The following RGS12 variants were observed in gnomAD, a reference collection of about 807,000 sequenced individuals.
RGS12 encodes regulator of G protein signaling 12.
In RGS12, 66 loss-of-function variants were observed where a neutral mutation model predicts 120.1. That is an observed-to-expected ratio of 0.55 (90% CI 0.45 to 0.67). The LOEUF (loss-of-function observed/expected upper bound fraction) is 0.67. Ranked by LOEUF, RGS12 falls within the 30% of genes least tolerant of loss-of-function variation. The pLI is 0.00. For missense variants in RGS12, 1,859 were observed against 1,957.7 expected, an observed-to-expected ratio of 0.95 and a Z score of 0.95; for synonymous variants, 827 against 804.7, an observed-to-expected ratio of 1.03 and a Z score of -0.47.
At chr4:3,396,475 G>A (rs992981255) in intron 4 of RGS12, among the ~76,000 whole-genome samples, 3 of 152,204 alleles carry the variant, frequency 2.0e-5, no homozygotes, top group Non-Finnish European at 4.4e-5. Context: ...GTAGGGGTAA[G>A]ATTCATTTTT....
intron 9 of RGS12, 33 bp from the exon 10 acceptor site, chr4:3,420,609 A>G: frequency 6.2e-7 from 1 of 1,607,512 alleles, no homozygotes; most frequent in Non-Finnish European, 8.5e-7. Flanking sequence ...CAGGGTTCTG[A>G]TTGACGTGAG....
chr4:3,342,775 T>C (rs1232238675), intron 2 of RGS12, among the ~76,000 whole-genome samples, 162 bp from the exon 3 acceptor site: 1 of 152,198 alleles, frequency 6.6e-6, no homozygotes, highest in Non-Finnish European at 1.5e-5. Flanking sequence ...TTTTCTTGTA[T>C]AAAATATACC....
chr4:3,320,849 G>C (rs1170368889), intron 2 of RGS12, among the ~76,000 whole-genome samples: 1 of 152,276 alleles, frequency 6.6e-6, no homozygotes, highest in African/African-American at 2.4e-5. Flanking sequence ...GTGACCGTCC[G>C]CAGCGATCAG....
At chr4:3,373,767 T>C (rs537053923) in intron 3 of RGS12, among the ~76,000 whole-genome samples, 90 of 152,340 alleles carry the variant, frequency 5.9e-4, no homozygotes, top group Admixed American at 2.4e-3. Context: ...GCCTGGAGTC[T>C]GTGCCGGCGA....
intron 1 of RGS12, among the ~76,000 whole-genome samples, chr4:3,306,351 A>G (rs1246752206): frequency 1.3e-5 from 2 of 152,152 alleles, no homozygotes; most frequent in Admixed American, 6.5e-5. Context: ...CGATGACATG[A>G]GTTTAGAGGA....
At chr4:3,417,787 A>G in intron 9 of RGS12, 1 of 500,648 alleles carries the variant, frequency 2.0e-6, no homozygotes, top group Non-Finnish European at 3.5e-6. Context: ...AATACATTTC[A>G]GCCCATGCCT....
intron 14 of RGS12, among the ~76,000 whole-genome samples, chr4:3,426,118 GA>G (rs1339752915): frequency 0.13 from 448 of 3,414 alleles, 218 homozygotes; most frequent in Non-Finnish European, 0.16. Flanking sequence ...GCATAGGGGA[GA>G]GGGCGAGTGG....
chr4:3,417,090 A>G lies in RGS12; in HGVS notation c.2605A>G (p.Lys869Glu), dbSNP rs1722491299. 6.3e-7 allele frequency: 1 copy of G among 1,597,284 alleles called. No individual in the cohort carries two copies. The highest frequency in any genetic ancestry group is 2.2e-5 in the East Asian group (1 of 44,446). The change falls in exon 8 of 18, where the codon AAG becomes GAG. Residue 869 changes from lysine (K) to glutamate (E), a missense_variant and splice_region_variant. By Grantham distance (56) the Lys-to-Glu change is moderately conservative. Transcript: ENST00000336727. ...CCACTCCAGTGTGTCCACGCCAAAA[A>G]AGGTGACCTCCCCGAGGCTGGCCTC... ...SDHSSVSTPK[K>E]LSGKSKSGRS... is the part of the protein sequence containing the mutation.
Position 3,414,113 on chromosome 4 carries a change from A to T in RGS12, c.2062A>T (p.Ser688Cys). Reference protein sequence around the residue: ...ADLKDCVSNNSLSSNASLPSV... With the variant: ...ADLKDCVSNNCLSSNASLPSV... ...CCTGAAGGACTGCGTCAGCAACAAC[A>T]GCCTGAGCAGCAATGCCAGCCTCCC... Residue 688 changes from serine to cysteine, a missense_variant, in exon 5 of 18, where the codon AGC (serine) becomes TGC (cysteine). By Grantham distance (112) the Ser-to-Cys change is moderately radical. Transcript: ENST00000336727. 6.4e-7 allele frequency: 1 copy of T among 1,573,650 alleles called. No homozygotes were observed. Among genetic ancestry groups the T allele is most frequent in the Non-Finnish European group, 8.6e-7 (1 of 1,166,414 alleles).
chr4:3,384,865 C>A lies in RGS12; in HGVS notation c.1999-1551C>A, dbSNP rs1332991029. Among the ~76,000 whole-genome samples the A allele has an allele frequency of 2.0e-5, 3 of 151,020 alleles. No individual in the cohort carries two copies. In the South Asian group the frequency reaches 6.3e-4, roughly 32 times the overall value. On this transcript the variant is annotated intron_variant, in intron 3 of 17. Transcript: ENST00000336727. ...TCGCAGGGCCAGGGCTGGCAGTGGA[C>A]CCCGGATGGCCAGGCTGCGTCGGGG... is the stretch of plus-strand genomic sequence containing the variant.
chr4:3,311,899 T>C (rs1461772180), intron 1 of RGS12, among the ~76,000 whole-genome samples: 3 of 152,172 alleles, frequency 2.0e-5, no homozygotes, highest in African/African-American at 7.2e-5. Flanking sequence ...GTGCGGCGAG[T>C]GGGGACCTTC....
intron 13 of RGS12, among the ~76,000 whole-genome samples, chr4:3,424,162 G>C (rs1006465264): frequency 6.6e-6 from 1 of 152,256 alleles, no homozygotes; most frequent in African/African-American, 2.4e-5. Flanking sequence ...GGTGGTGACC[G>C]CAGGTGCTGG....
At chr4:3,425,271 G>C (rs934060359) in intron 13 of RGS12, among the ~76,000 whole-genome samples, 193 bp from the exon 14 acceptor site, 1 of 152,122 alleles carries the variant, frequency 6.6e-6, no homozygotes, top group South Asian at 2.1e-4. Context: ...GGATGGTCGT[G>C]TAGTCGGGAC....
chr4:3,435,255 G>C (rs1724696001), intron 17 of RGS12, among the ~76,000 whole-genome samples: 1 of 152,106 alleles, frequency 6.6e-6, no homozygotes, highest in African/African-American at 2.4e-5. Flanking sequence ...CCTCACCCTG[G>C]GGGTGAAAGT....
At chr4:3,421,470 A>G (rs963802521) in intron 10 of RGS12, among the ~76,000 whole-genome samples, 2 of 152,202 alleles carry the variant, frequency 1.3e-5, no homozygotes, top group Non-Finnish European at 1.5e-5. Context: ...GCTGGAAACA[A>G]TTACTGTTGT....
chr4:3,430,683 C>G lies in RGS12; in HGVS notation c.3842C>G (p.Pro1281Arg), dbSNP rs775075333. The change falls in exon 17 of 18, where the codon CCC becomes CGC. Residue 1281 changes from proline (P) to arginine (R), a missense_variant. By Grantham distance (103) the Pro-to-Arg change is moderately radical. This residue lies in a region of RGS12 where 517 missense variants were observed against 488.5 expected (regional missense o/e 1.06). Coordinates refer to ENST00000336727, the MANE Select transcript of RGS12 (RefSeq NM_001394154.1). ...PSTSPGSASSPPGPPGTTPPG... is the reference protein window; with the variant it reads ...PSTSPGSASSRPGPPGTTPPG... ...ACCAGCCCGGGCTCAGCCTCCAGCC[C>G]CCCTGGACCTCCTGGGACGACCCCC... The G allele has an allele frequency of 6.3e-7, 1 of 1,581,734 alleles. No homozygotes were observed.
chr4:3,397,805 G>C (rs1172148316), intron 4 of RGS12, among the ~76,000 whole-genome samples: 1 of 152,200 alleles, frequency 6.6e-6, no homozygotes, highest in Non-Finnish European at 1.5e-5. Context: ...CATTGGCTTG[G>C]TAAACTTGAG....
intron 3 of RGS12, among the ~76,000 whole-genome samples, chr4:3,380,831 G>C (rs1718185145): frequency 6.6e-6 from 1 of 152,228 alleles, no homozygotes; most frequent in African/African-American, 2.4e-5. Flanking sequence ...TGTGATGAGA[G>C]GGGCTGCCCC....
rs571841898 is a variant in RGS12 at position 3,422,460 on chromosome 4, G to C, written c.2923G>C (p.Val975Leu). The part of the protein sequence containing the change: ...CIHLPDGTSC[V>L]VAVKAGFSIK... ...TCATCTCCCGGATGGGACATCCTGCGTGGTGGCTGTCAAGGCGGGCTTCTC... is the reference window on the plus strand; with the variant it reads ...TCATCTCCCGGATGGGACATCCTGCCTGGTGGCTGTCAAGGCGGGCTTCTC... Residue 975 changes from valine to leucine, a missense_variant, in exon 11 of 18, where the codon GTG becomes CTG. Val to Leu is a conservative substitution (Grantham distance 32). Around this residue, in one of 3 missense-constraint regions of RGS12, gnomAD observed 375 missense variants for 475.0 expected, o/e 0.79. Transcript: ENST00000336727. The C allele has an allele frequency of 8.1e-6, 13 of 1,613,072 alleles. No homozygotes were observed. The highest frequency in any genetic ancestry group is 5.0e-5 in the Admixed American group (3 of 60,010).
Sources: gnomAD v4.1 joint callset for allele counts (sites outside exome capture counted in the v4.1 genomes callset) on GRCh38, gnomAD v4.1.1 for gene constraint, gnomAD v4.1.1 regional missense constraint, MANE v1.5 for transcripts, NCBI Gene and HGNC (gene_info 2026-07-23, HGNC 2026-07-21) for gene names.